The following MCOLN2 variants were observed in gnomAD, a reference collection of about 807,000 sequenced individuals.
MCOLN2 encodes mucolipin-2.
A neutral mutation model predicts 67.5 loss-of-function variants in MCOLN2; 57 were observed. The ratio of observed to expected loss-of-function variants is 0.84; its 90% CI spans 0.68 to 1.05. The LOEUF (loss-of-function observed/expected upper bound fraction) is 1.05. MCOLN2 is among the 50% of genes least tolerant of loss of function. The probability of loss-of-function intolerance (pLI) is 0.00; values close to 1 mark genes in which losing one functional copy is unlikely to be tolerated. For missense variants in MCOLN2, 620 were observed against 678.8 expected (o/e 0.91, Z 0.96); for synonymous variants, 246 against 233.3 (o/e 1.05, Z -0.50).
intron 1 of MCOLN2, among the ~76,000 whole-genome samples, chr1:84,990,696 T>C (rs1180370649): frequency 6.6e-6 from 1 of 151,992 alleles, no homozygotes; most frequent in African/African-American, 2.4e-5. Context: ...GGCAGGAGGA[T>C]CCCTTGGGCC....
intron 4 of MCOLN2, among the ~76,000 whole-genome samples, chr1:84,954,277 T>A (rs1471371069): frequency 6.6e-6 from 1 of 151,984 alleles, no homozygotes; most frequent in Non-Finnish European, 1.5e-5. Context: ...TTGCAGAGAG[T>A]GTGTCTCCCT....
At chr1:84,986,228 T>C (rs1012856337) in intron 1 of MCOLN2, among the ~76,000 whole-genome samples, 6 of 152,168 alleles carry the variant, frequency 3.9e-5, no homozygotes, top group African/African-American at 1.2e-4. Context: ...GCTGGAATAA[T>C]TGGCAGGCCA....
At chr1:84,995,986 C>T (rs1651130022) in intron 1 of MCOLN2, among the ~76,000 whole-genome samples, 2 of 152,014 alleles carry the variant, frequency 1.3e-5, no homozygotes, top group Admixed American at 6.6e-5. Flanking sequence ...GACCTATGAA[C>T]GGTTTTCTAA....
chr1:84,941,043 T>C, intron 7 of MCOLN2, 52 bp from the exon 8 acceptor site: 1 of 1,218,646 alleles, frequency 8.2e-7, no homozygotes, highest in South Asian at 1.3e-5. Flanking sequence ...CGGAGAATAA[T>C]TTCCAAACAA....
chr1:84,963,931 A>C lies in MCOLN2; in HGVS notation c.237+1618T>G, dbSNP rs1282215807. The stretch of plus-strand genomic sequence containing the variant: ...GTAAATTAGAATTTTAGTAACGTTA[A>C]TAGATCAAATAATTGAAGGAAGTTG... On this transcript the variant is annotated intron_variant, in intron 2 of 13. Coordinates refer to ENST00000370608, the MANE Select transcript of MCOLN2 (RefSeq NM_153259.4). Among the ~76,000 whole-genome samples the C allele has an allele frequency of 2.0e-5, 3 of 152,342 alleles. 1 individual carries two copies. In the Middle Eastern group the frequency reaches 0.01, roughly 518 times the overall value.
chr1:84,972,145 G>A (rs919720804), intron 1 of MCOLN2: 2 of 152,172 alleles, frequency 1.3e-5, no homozygotes, highest in Admixed American at 6.5e-5. Flanking sequence ...AACAGTTTAA[G>A]AAAAGCATAC....
rs1649332492 is a variant in MCOLN2, at chr1:84,965,537, A to T, written c.237+12T>A. On this transcript the variant is annotated intron_variant, in intron 2 of 13. Coordinates refer to ENST00000370608, the MANE Select transcript of MCOLN2 (RefSeq NM_153259.4). ...TAAGGGAAAAACCAAATGAAATAAT[A>T]AGATAGGTTACCTGTGTGGTGACCA... The T allele has an allele frequency of 6.2e-7, 1 of 1,610,032 alleles. No homozygotes were observed. Among genetic ancestry groups the T allele is most frequent in the African/African-American group, 1.3e-5 (1 of 74,566 alleles).
Position 84,939,555 on chromosome 1 carries a change from T to G in MCOLN2, c.1108A>C (p.Lys370Gln), listed in dbSNP as rs6704203. 4.5e-3 allele frequency: 7,216 copies of G among 1,613,912 alleles called. 309 individuals are homozygous for G. In the African/African-American group the frequency reaches 0.085, roughly 19 times the overall value. ...GACTTTAAATGGGCTTCCCTCACCT[T>G]TGCTTTGATTTCCATTTTTAATATG... ...GSILKMEIKA[K>Q]NLTNYDLCSI... Residue 370 changes from lysine to glutamine, a missense_variant and splice_region_variant, in exon 9 of 14, where the codon AAG (lysine) becomes CAG (glutamine). By Grantham distance (53) the Lys-to-Gln change is moderately conservative (BLOSUM62 1). Transcript: ENST00000370608.
chr1:84,943,867 C>A (rs531403760), intron 7 of MCOLN2, among the ~76,000 whole-genome samples: 1 of 152,232 alleles, frequency 6.6e-6, no homozygotes, highest in Non-Finnish European at 1.5e-5. Context: ...TTACCCTTAG[C>A]CATTTACACT....
At chr1:84,986,404 G>A (rs6704051) in intron 1 of MCOLN2, among the ~76,000 whole-genome samples, 1 of 152,066 alleles carries the variant, frequency 6.6e-6, no homozygotes, top group Admixed American at 6.6e-5. Flanking sequence ...GCCAGGCATG[G>A]TGGTGGCGCA....
chr1:84,930,207 G>A (rs1661342194), intron 12 of MCOLN2, among the ~76,000 whole-genome samples: 2 of 151,818 alleles, frequency 1.3e-5, no homozygotes, highest in African/African-American at 2.4e-5. Flanking sequence ...AGGCTATAAT[G>A]AGGTAGGATT....
intron 1 of MCOLN2, among the ~76,000 whole-genome samples, chr1:84,987,343 TATAG>T (rs1411395347): frequency 2.8e-5 from 4 of 143,934 alleles, no homozygotes; most frequent in Non-Finnish European, 6.0e-5. Context: ...GATATATGTA[TATAG>T]ATATATGTAG....
In MCOLN2 at chr1:84,996,850, A is replaced by G; in HGVS notation, c.23T>C (p.Phe8Ser). Residue 8 changes from phenylalanine (F) to serine (S), a missense_variant, in exon 1 of 14, where the codon TTT (phenylalanine) becomes TCT (serine). Phe to Ser is a radical substitution (Grantham distance 155). Transcript: ENST00000370608. ...TCTCTCCGGAATCCTTGCCTGGGGA[A>G]AACGATAAGGCTGCCGGGCCATGCC... MARQPYR[F>S]PQARIPERGS... is the part of the protein sequence containing the mutation. The G allele has an allele frequency of 2.5e-6, 4 of 1,614,140 alleles. No homozygotes were observed. The highest frequency in any genetic ancestry group is 3.4e-6 in the Non-Finnish European group (4 of 1,179,998).
intron 8 of MCOLN2, 69 bp downstream of exon 8, chr1:84,940,810 G>T: frequency 1.1e-6 from 1 of 951,334 alleles, no homozygotes; most frequent in Non-Finnish European, 1.6e-6. Context: ...CAATATCGGT[G>T]GTCCACTGCT....
chr1:84,943,767 G>A (rs1245250400), intron 7 of MCOLN2, among the ~76,000 whole-genome samples: 1 of 152,196 alleles, frequency 6.6e-6, no homozygotes, highest in Non-Finnish European at 1.5e-5. Flanking sequence ...GAGGGCAAGC[G>A]TACTGGTTCC....
chr1:84,929,518 A>T (rs1661302508), intron 13 of MCOLN2, 40 bp downstream of exon 13: 1 of 1,558,206 alleles, frequency 6.4e-7, no homozygotes, highest in African/African-American at 1.4e-5. Context: ...ACAACAGAAC[A>T]GCCCATCTCA....
At chr1:84,983,052 C>G (rs1650337611) in intron 1 of MCOLN2, among the ~76,000 whole-genome samples, 1 of 151,492 alleles carries the variant, frequency 6.6e-6, no homozygotes, top group Admixed American at 6.6e-5. Flanking sequence ...GTATATCTTA[C>G]CAGTCTCAGG....
At chr1:84,953,174 G>A (rs1648591093) in intron 4 of MCOLN2, among the ~76,000 whole-genome samples, 1 of 152,156 alleles carries the variant, frequency 6.6e-6, no homozygotes. Flanking sequence ...GCACACTGAA[G>A]TATTTAGGGG....
At chr1:84,951,477 C>T (rs1327405429) in intron 6 of MCOLN2, among the ~76,000 whole-genome samples, 1 of 152,150 alleles carries the variant, frequency 6.6e-6, no homozygotes, top group South Asian at 2.1e-4. Context: ...ATACATGCCC[C>T]CTCCCAAAAT....
Sources: gnomAD v4.1 joint callset for allele counts (sites outside exome capture counted in the v4.1 genomes callset) on GRCh38, gnomAD v4.1.1 for gene constraint, MANE v1.5 for transcripts, NCBI Gene and HGNC (gene_info 2026-07-23, HGNC 2026-07-21) for gene names.